Variants in ZNF624 observed in about 807,000 individuals in gnomAD.
The protein encoded by ZNF624 is zinc finger protein 624.
A neutral mutation model predicts 74.7 loss-of-function variants in ZNF624; 43 were observed. That is an observed-to-expected ratio of 0.58 (90% CI 0.45 to 0.74). ZNF624 has a LOEUF of 0.74. Among genes scored for constraint, ZNF624 ranks in the 30% least tolerant of loss-of-function variants. The probability of loss-of-function intolerance (pLI) is 0.00; values close to 1 mark genes in which losing one functional copy is unlikely to be tolerated. For synonymous variants in ZNF624, 331 were observed against 341.3 expected, an observed-to-expected ratio of 0.97 and a Z score of 0.33; for missense variants, 820 against 1,030.0, an observed-to-expected ratio of 0.80 and a Z score of 2.79.
chr17:16,634,164 C>T (rs1909272775), intron 4 of ZNF624, among the ~76,000 whole-genome samples: 1 of 152,150 alleles, frequency 6.6e-6, no homozygotes, highest in Non-Finnish European at 1.5e-5. Context: ...TTCAGTTCTT[C>T]AGATGGACTA....
downstream of ZNF624, chr17:16,617,099 G>A (rs527881693): frequency 5.5e-5 from 88 of 1,612,796 alleles, no homozygotes; most frequent in African/African-American, 1.0e-3. Flanking sequence ...GATCTGCTTC[G>A]AGAATGTGAA....
intron 5 of ZNF624, among the ~76,000 whole-genome samples, chr17:16,628,713 G>C (rs966021586): frequency 2.0e-5 from 3 of 151,948 alleles, no homozygotes; most frequent in African/African-American, 7.3e-5. Context: ...ACAAAGAGAA[G>C]TGAGAGAGAA....
Position 16,622,409 on chromosome 17 carries a change from T to C in ZNF624, c.2477A>G (p.His826Arg). The change falls in exon 6 of 6, where the codon CAC becomes CGC. Residue 826 changes from histidine to arginine, a missense_variant. By Grantham distance (29) the His-to-Arg change is conservative. Coordinates refer to ENST00000311331, the MANE Select transcript of ZNF624 (RefSeq NM_020787.4). ...TTTTTCTCCAGTATGCATCCTCAAG[T>C]GTACAGTAAAGTCTGAGTTAGTTCT... is the stretch of plus-strand genomic sequence containing the variant. The part of the protein sequence containing the change: ...AFRTNSDFTV[H>R]LRMHTGEKPY... 1 of 1,614,020 alleles carries C rather than the reference T, an allele frequency of 6.2e-7. No individual in the cohort carries two copies. The highest frequency in any genetic ancestry group is 8.5e-7 in the Non-Finnish European group (1 of 1,179,928).
rs540207249 is a variant in ZNF624 at position 16,623,570 on chromosome 17, G to C, written c.1316C>G (p.Thr439Ser). 3 of 1,611,034 alleles carry C rather than the reference G, an allele frequency of 1.9e-6. No individual in the cohort carries two copies. The highest frequency in any genetic ancestry group is 1.1e-5 in the South Asian group (1 of 90,426). Residue 439 changes from threonine (T) to serine (S), a missense_variant, in exon 6 of 6, where the codon ACT becomes AGT. Transcript: ENST00000311331. This position sits in a 1 kb window ranked among gnomAD's most constrained non-coding sequence, Gnocchi z 5.3. ...GTTGCACTGATATGGTTTCTCTTCA[G>C]TGTGGGTCTTCTGATGTACACTAAG... Reference protein sequence around the residue: ...SYLSVHQKTHTEEKPYQCNEC... With the variant: ...SYLSVHQKTHSEEKPYQCNEC...
At chr17:16,626,808 G>A (rs1456761105) in intron 5 of ZNF624, among the ~76,000 whole-genome samples, 4 of 152,070 alleles carry the variant, frequency 2.6e-5, no homozygotes, top group African/African-American at 9.7e-5. Flanking sequence ...TGTAATCCTA[G>A]CAGTCTGGGA....
rs1908926034 is a variant in ZNF624 at position 16,622,012 on chromosome 17, AATAC to A, written c.*272_*275del. 2 of 226,226 alleles carry A rather than the reference AATAC, an allele frequency of 8.8e-6. No individual in the cohort carries two copies. The highest frequency in any genetic ancestry group is 1.7e-5 in the Non-Finnish European group (2 of 116,870). 14.0% of individuals were successfully genotyped at this position (226,226 alleles called of 1,614,324 possible). On this transcript the variant is annotated 3_prime_UTR_variant, in exon 6 of 6. Transcript: ENST00000311331. ...AGATAAATGAATAGAAAAATAGGCA[AATAC>A]ATATATAGGCAATTAACTAAAGATA...
chr17:16,647,211 C>T, intron 3 of ZNF624, 118 bp downstream of exon 3: 1 of 915,102 alleles, frequency 1.1e-6, no homozygotes, highest in Admixed American at 1.8e-5. Context: ...AGCCCTGGGG[C>T]TACCACACCA....
At position 16,622,679 on chromosome 17, in the gene ZNF624, A is replaced by G. The variant is rs1338030571; in HGVS notation, c.2207T>C (p.Met736Thr). The G allele has an allele frequency of 6.2e-7, 1 of 1,613,940 alleles. No homozygotes were observed. The highest frequency in any genetic ancestry group is 8.5e-7 in the Non-Finnish European group (1 of 1,179,944). The change falls in exon 6 of 6, where the codon ATG (methionine) becomes ACG (threonine). Residue 736 changes from methionine to threonine, a missense_variant. Physicochemically the swap from Met to Thr is moderately conservative, Grantham distance 81 (BLOSUM62 -1). Coordinates refer to ENST00000311331, the MANE Select transcript of ZNF624 (RefSeq NM_020787.4). ...TTTCTGATGTTCTGTGACATGTACC[A>G]TCTGGCTAAATGCTTTCCCACAGTC... ...CNDCGKAFSQ[M>T]VHVTEHQKIH...
chr17:16,646,309 G>A (rs1344610776), intron 3 of ZNF624, among the ~76,000 whole-genome samples: 5 of 151,950 alleles, frequency 3.3e-5, no homozygotes, highest in Admixed American at 3.3e-4. Context: ...ATGTTAAAAA[G>A]AATTTAAAAA....
Position 16,634,640 on chromosome 17 carries a change from C to T in ZNF624, c.270G>A (p.Leu90=), listed in dbSNP as rs1393254145. 4.3e-6 allele frequency: 7 copies of T among 1,612,968 alleles called. No individual in the cohort carries two copies. The highest frequency in any genetic ancestry group is 5.1e-6 in the Non-Finnish European group (6 of 1,179,360). ...AGAAGTTATCCTTACCCAGGGAGAC[C>T]AGATTCCTGTAATTCTCTAGCATCA... ...KDVMLENYRN[L]VSLGLAVSKP... is the part of the protein sequence containing the mutation. Residue 90 remains leucine, a synonymous_variant, in exon 4 of 6, where the codon CTG becomes CTA. Coordinates refer to ENST00000311331, the MANE Select transcript of ZNF624 (RefSeq NM_020787.4).
At chr17:16,634,020 A>G in intron 4 of ZNF624, 63 bp from the exon 5 acceptor site, 1 of 1,333,490 alleles carries the variant, frequency 7.5e-7, no homozygotes, top group Non-Finnish European at 1.1e-6. Flanking sequence ...TGCCAAATTC[A>G]GTCTCAGTTC....
At chr17:16,635,465 T>C (rs1011904937) in intron 3 of ZNF624, among the ~76,000 whole-genome samples, 4 of 151,374 alleles carry the variant, frequency 2.6e-5, no homozygotes, top group Non-Finnish European at 5.9e-5. Context: ...AAATATATTA[T>C]AAATGAAATA....
Position 16,640,125 on chromosome 17 carries a change from C to G in ZNF624, c.154-5369G>C, listed in dbSNP as rs192563939. Among the ~76,000 whole-genome samples, 1,040 of 152,136 alleles carry G rather than the reference C, an allele frequency of 6.8e-3. 5 individuals carry two copies. Among genetic ancestry groups the G allele is most frequent in the Non-Finnish European group, 0.011 (755 of 68,000 alleles). ...ATTTTAGAGTTGAAAAGTATAATAA[C>G]TGAAATAAATGTACCAGTGAGACAT... On this transcript the variant is annotated intron_variant, in intron 3 of 5. Coordinates refer to ENST00000311331, the MANE Select transcript of ZNF624 (RefSeq NM_020787.4).
chr17:16,639,563 CT>C (rs1909418605), intron 3 of ZNF624, among the ~76,000 whole-genome samples: 1 of 152,068 alleles, frequency 6.6e-6, no homozygotes, highest in African/African-American at 2.4e-5. Context: ...CAAGAAATGA[CT>C]AAGGCAGAGT....
At chr17:16,640,246 T>C in intron 3 of ZNF624, among the ~76,000 whole-genome samples, 1 of 151,966 alleles carries the variant, frequency 6.6e-6, no homozygotes. Context: ...AATTCAACGG[T>C]AGTAGCTGGA....
rs1485021400 is a variant in ZNF624, at chr17:16,623,547, T to C, written c.1339A>G (p.Asn447Asp). The C allele has an allele frequency of 2.5e-6, 4 of 1,610,298 alleles. No homozygotes were observed. The highest frequency in any genetic ancestry group is 3.4e-6 in the Non-Finnish European group (4 of 1,178,822). The change falls in exon 6 of 6, where the codon AAC becomes GAC. Residue 447 changes from asparagine (N) to aspartate (D), a missense_variant. Physicochemically the swap from Asn to Asp is conservative, Grantham distance 23. Transcript: ENST00000311331. This position sits in a 1 kb window ranked among gnomAD's most constrained non-coding sequence, Gnocchi z 5.3. ...TTCTTAAAAGACTTCCCACACTCGTTGCACTGATATGGTTTCTCTTCAGTG... is the reference window on the plus strand; with the variant it reads ...TTCTTAAAAGACTTCCCACACTCGTCGCACTGATATGGTTTCTCTTCAGTG... Reference protein sequence around the residue: ...THTEEKPYQCNECGKSFKNTT... With the variant: ...THTEEKPYQCDECGKSFKNTT...
chr17:16,625,851 T>C (rs1297705991), intron 5 of ZNF624, among the ~76,000 whole-genome samples: 1 of 152,204 alleles, frequency 6.6e-6, no homozygotes, highest in Admixed American at 6.5e-5. Flanking sequence ...CTTTAATGCC[T>C]TTTAAAACTT....
rs761061285 is a variant in ZNF624, at chr17:16,634,769, C to T, written c.154-13G>A. Reference sequence around the variant, plus strand: ...ATGTCACCGATTCCTAAAACAATTACATTGTGATCACTTAGAAACTATACA... The same window carrying T: ...ATGTCACCGATTCCTAAAACAATTATATTGTGATCACTTAGAAACTATACA... On this transcript the variant is annotated splice_polypyrimidine_tract_variant and intron_variant, in intron 3 of 5. Coordinates refer to ENST00000311331, the MANE Select transcript of ZNF624 (RefSeq NM_020787.4). The T allele has an allele frequency of 3.3e-5, 53 of 1,607,324 alleles. No individual in the cohort carries two copies. The Middle Eastern group carries it at 1.2e-3, about 35-fold the overall frequency.
intron 3 of ZNF624, among the ~76,000 whole-genome samples, chr17:16,636,254 A>G (rs144636918): frequency 3.9e-5 from 6 of 152,370 alleles, no homozygotes; most frequent in African/African-American, 9.6e-5. Flanking sequence ...AGTAAAGAGA[A>G]AGAATCAAAC....
Sources: allele counts gnomAD v4.1 joint callset (sites outside exome capture counted in the v4.1 genomes callset), GRCh38; gene constraint gnomAD v4.1.1; non-coding constraint Gnocchi (gnomAD v3.1); transcripts MANE v1.5; gene names NCBI Gene and HGNC (gene_info 2026-07-23, HGNC 2026-07-21).